ASMTL: variants seen among roughly 807,000 people sequenced by gnomAD.
The protein encoded by ASMTL is acetylserotonin O-methyltransferase like.
A neutral mutation model predicts 60.3 loss-of-function variants in ASMTL; 57 were observed. The ratio of observed to expected loss-of-function variants is 0.95; its 90% CI spans 0.76 to 1.18. The LOEUF (loss-of-function observed/expected upper bound fraction) is 1.18. Among genes scored for constraint, ASMTL ranks in the 50% most tolerant of loss-of-function variants. The pLI, the probability that ASMTL is intolerant of heterozygous loss-of-function variation, is 0.00. For missense variants in ASMTL, 981 were observed against 852.6 expected (o/e 1.15, Z -1.88); for synonymous variants, 419 against 373.0 (o/e 1.12, Z -1.42).
chrX:1,449,546 G>C (rs1296239467), intron 1 of ASMTL, among the ~76,000 whole-genome samples: 14 of 151,910 alleles, frequency 9.2e-5, no homozygotes, highest in African/African-American at 3.4e-4. Flanking sequence ...GTCCCCAAGA[G>C]TAGACTCCTG....
intron 11 of ASMTL, chrX:1,413,224 G>C (rs1346042451): frequency 9.8e-6 from 2 of 204,982 alleles, no homozygotes; most frequent in Non-Finnish European, 2.0e-5. Context: ...AGCTGGACAG[G>C]GGTGGCGGGC....
At chrX:1,453,239 GCCAGGCCACGC>G (rs1170872491), upstream of ASMTL, among the ~76,000 whole-genome samples, 1 of 141,066 alleles carries the variant, frequency 7.1e-6, no homozygotes, top group Non-Finnish European at 1.5e-5. Flanking sequence ...TGACCGCTCC[GCCAGGCCACGC>G]CCAGGCCACA....
intron 2 of ASMTL, among the ~76,000 whole-genome samples, chrX:1,441,361 C>T (rs1392334225): frequency 1.2e-4 from 19 of 152,080 alleles, no homozygotes; most frequent in South Asian, 2.1e-4. Flanking sequence ...ACTGCAACTT[C>T]CGTCTCCCAG....
chrX:1,424,832 C>T (rs1485177134), intron 8 of ASMTL, among the ~76,000 whole-genome samples: 1 of 123,328 alleles, frequency 8.1e-6, no homozygotes, highest in African/African-American at 2.9e-5. Context: ...CCATCCACCT[C>T]TCCATCCATC....
intron 5 of ASMTL, among the ~76,000 whole-genome samples, chrX:1,432,764 G>C (rs1284839890): frequency 6.6e-6 from 1 of 152,220 alleles, no homozygotes; most frequent in Non-Finnish European, 1.5e-5. Context: ...GGGAGGTGCA[G>C]GTTGCAGTGA....
At chrX:1,415,088 C>G (rs1469066408) in intron 11 of ASMTL, among the ~76,000 whole-genome samples, 1 of 152,018 alleles carries the variant, frequency 6.6e-6, no homozygotes, top group Non-Finnish European at 1.5e-5. Flanking sequence ...TTATAGGCAC[C>G]CGCCACCATG....
chrX:1,450,096 T>TG (rs765985947), intron 1 of ASMTL, among the ~76,000 whole-genome samples: 2 of 147,552 alleles, frequency 1.4e-5, no homozygotes, highest in East Asian at 4.2e-4. Flanking sequence ...CCAGTAACTA[T>TG]CCCATCACCA....
intron 1 of ASMTL, among the ~76,000 whole-genome samples, chrX:1,442,863 C>T (rs1302844987): frequency 6.6e-6 from 1 of 152,186 alleles, no homozygotes; most frequent in Non-Finnish European, 1.5e-5. Context: ...CCTGCAGAGA[C>T]CGTGGGGTCA....
chrX:1,411,806 C>CTTTTT lies in ASMTL; in HGVS notation c.1645+921_1645+925dup, dbSNP rs756437483. ...AAATATATTTTCTCTTTAGGATTTT[C>CTTTTT]TTTTTTTTTTTTTTTTTTTTTTTTG... is the stretch of plus-strand genomic sequence containing the variant. On this transcript the variant is annotated intron_variant, in intron 12 of 12. Coordinates refer to ENST00000381317, the MANE Select transcript of ASMTL (RefSeq NM_004192.4). Among the ~76,000 whole-genome samples the CTTTTT allele has an allele frequency of 1.6e-3, 135 of 86,166 alleles. 1 individual carries two copies. The highest frequency in any genetic ancestry group is 2.4e-3 in the East Asian group (6 of 2,454). 56.5% of individuals were successfully genotyped at this position (86,166 alleles called of 152,430 possible).
chrX:1,438,970 T>C (rs768582048), intron 3 of ASMTL, 127 bp downstream of exon 3: 10 of 1,037,210 alleles, frequency 9.6e-6, no homozygotes, highest in Non-Finnish European at 1.3e-5. Flanking sequence ...TAGTTTGTGA[T>C]GGGAGTTTCT....
At chrX:1,432,248 C>T (rs374792039) in intron 6 of ASMTL, 21 bp downstream of exon 6, 1 of 1,587,806 alleles carries the variant, frequency 6.3e-7, no homozygotes, top group South Asian at 1.1e-5. Context: ...CCCCCGTCCC[C>T]CCACCGCCCC....
intron 8 of ASMTL, among the ~76,000 whole-genome samples, chrX:1,424,225 C>T (rs2090551943): frequency 6.9e-6 from 1 of 145,786 alleles, no homozygotes; most frequent in African/African-American, 2.5e-5. Context: ...ATCATCCACC[C>T]AGCCATGCAC....
chrX:1,413,599 G>C (rs1312665626), intron 11 of ASMTL: 4 of 152,450 alleles, frequency 2.6e-5, no homozygotes, highest in African/African-American at 7.2e-5. Context: ...GCAGTGAATG[G>C]TGTCCCCTTA....
intron 1 of ASMTL, among the ~76,000 whole-genome samples, chrX:1,446,356 C>T (rs1367944657): frequency 3.3e-5 from 5 of 152,136 alleles, no homozygotes; most frequent in East Asian, 1.9e-4. Flanking sequence ...CACCAGTCTC[C>T]GCGTCTTGGT....
intron 5 of ASMTL, among the ~76,000 whole-genome samples, chrX:1,433,629 G>A (rs757211885): frequency 1.5e-4 from 23 of 151,602 alleles, no homozygotes; most frequent in African/African-American, 5.6e-4. Context: ...GCAGTGAGCC[G>A]AGATGGCGCA....
Position 1,435,718 on chromosome X carries a change from T to C in ASMTL, c.314A>G (p.Gln105Arg). 6.2e-7 allele frequency: 1 copy of C among 1,613,652 alleles called. No individual in the cohort carries two copies. The highest frequency in any genetic ancestry group is 8.5e-7 in the Non-Finnish European group (1 of 1,179,830). Residue 105 changes from glutamine (Q) to arginine (R), a missense_variant, in exon 4 of 13, where the codon CAG becomes CGG. Physicochemically the swap from Gln to Arg is conservative, Grantham distance 43. Coordinates refer to ENST00000381317, the MANE Select transcript of ASMTL (RefSeq NM_004192.4). The stretch of plus-strand genomic sequence containing the variant: ...CCGGGACAGCATCCTGTAGGCGTCC[T>C]GCTTGTCCACCGGCTTCTCCAGAAT... The part of the protein sequence containing the change: ...GLILEKPVDK[Q>R]DAYRMLSRLS...
Position 1,435,973 on chromosome X carries a change from T to C in ASMTL, c.274-215A>G, listed in dbSNP as rs183659519. Among the ~76,000 whole-genome samples the C allele has an allele frequency of 2.6e-3, 403 of 152,282 alleles. 2 individuals are homozygous for C. Among genetic ancestry groups the C allele is most frequent in the African/African-American group, 9.1e-3 (378 of 41,564 alleles). On this transcript the variant is annotated intron_variant, in intron 3 of 12. Transcript: ENST00000381317. ...TTCTCTTCACTCCAGAAGGAGACCC[T>C]GTCCCCACGCAGCTGTCCCTCCCCA...
rs186809132 is a variant in ASMTL, at chrX:1,430,816, T to C, written c.509+1453A>G. ...TTTATATAAATATATAAAATAAACATATATTTTATACAAATGTATTTATAT... is the reference window on the plus strand; with the variant it reads ...TTTATATAAATATATAAAATAAACACATATTTTATACAAATGTATTTATAT... On this transcript the variant is annotated intron_variant, in intron 6 of 12. Transcript: ENST00000381317. Among the ~76,000 whole-genome samples, 1,028 of 145,604 alleles carry C rather than the reference T, an allele frequency of 7.1e-3. 6 individuals are homozygous for C. Among genetic ancestry groups the C allele is most frequent in the African/African-American group, 0.024 (963 of 39,358 alleles).
chrX:1,412,301 C>T (rs1436243651), intron 12 of ASMTL, among the ~76,000 whole-genome samples: 1 of 152,104 alleles, frequency 6.6e-6, no homozygotes, highest in Non-Finnish European at 1.5e-5. Flanking sequence ...GATCTCGGCT[C>T]ACTGCAGTCT....
Sources: allele counts gnomAD v4.1 joint callset (sites outside exome capture counted in the v4.1 genomes callset), GRCh38; gene constraint gnomAD v4.1.1; transcripts MANE v1.5; gene names NCBI Gene and HGNC (gene_info 2026-07-23, HGNC 2026-07-21).